The following AFF2 variants were observed in gnomAD, a reference collection of about 807,000 sequenced individuals.
AFF2 encodes the protein ALF transcription elongation factor 2.
AFF2 carries 14 observed loss-of-function variants against 76.9 expected under a neutral mutation model. The observed-to-expected ratio is 0.18, with a 90% confidence interval of 0.12 to 0.28. The LOEUF is 0.28. Among genes scored for constraint, AFF2 ranks in the 10% least tolerant of loss-of-function variants. AFF2 has a pLI of 1.00. For synonymous variants in AFF2, 398 were observed against 366.7 expected (o/e 1.09, Z -0.98); for missense variants, 868 against 1,001.1 (o/e 0.87, Z 1.79).
intron 1 of AFF2, among the ~76,000 whole-genome samples, chrX:148,545,813 G>A (rs1425533039): frequency 9.0e-6 from 1 of 110,943 alleles, no homozygotes; most frequent in Non-Finnish European, 1.9e-5. Context: ...CCCCAAATTT[G>A]TGATTCACTG....
intron 9 of AFF2, among the ~76,000 whole-genome samples, chrX:148,944,072 A>T (rs782173440): frequency 8.9e-6 from 1 of 112,262 alleles, no homozygotes. Context: ...AGCACGGAAA[A>T]AGGCGGAGGC....
intron 1 of AFF2, among the ~76,000 whole-genome samples, chrX:148,608,632 A>G (rs1181083747): frequency 2.7e-5 from 3 of 109,313 alleles, no homozygotes; most frequent in African/African-American, 6.7e-5. Flanking sequence ...CCAGCCTCCC[A>G]AGTAGTTAGA....
At chrX:148,579,575 A>G (rs1354033326) in intron 1 of AFF2, among the ~76,000 whole-genome samples, 2 of 112,241 alleles carry the variant, frequency 1.8e-5, no homozygotes, top group Non-Finnish European at 3.8e-5. Context: ...TTAGTCATTT[A>G]TGCCCCAACA....
At chrX:148,921,632 T>C (rs1200645351) in intron 9 of AFF2, among the ~76,000 whole-genome samples, 2 of 112,612 alleles carry the variant, frequency 1.8e-5, no homozygotes, top group Non-Finnish European at 3.8e-5. Context: ...AGAATGGTCT[T>C]CCCTTTTCTA....
chrX:148,732,874 G>A (rs1485206512), intron 3 of AFF2, among the ~76,000 whole-genome samples: 2 of 111,102 alleles, frequency 1.8e-5, no homozygotes, highest in Non-Finnish European at 3.8e-5. Context: ...TGTCACTAGA[G>A]GCAGAAATAA....
At chrX:148,676,183 C>A (rs1409514001) in intron 3 of AFF2, among the ~76,000 whole-genome samples, 2 of 108,780 alleles carry the variant, frequency 1.8e-5, no homozygotes, top group Non-Finnish European at 3.8e-5. Context: ...CCTCAGCCTC[C>A]CAAGTAGCTG....
At chrX:148,781,235 TAGC>T (rs1370522038) in intron 3 of AFF2, among the ~76,000 whole-genome samples, 2 of 112,208 alleles carry the variant, frequency 1.8e-5, no homozygotes, top group Non-Finnish European at 3.8e-5. Flanking sequence ...GTCTGTCCCT[TAGC>T]AGAGCTCTAA....
chrX:148,570,214 T>C, intron 1 of AFF2, among the ~76,000 whole-genome samples: 1 of 112,045 alleles, frequency 8.9e-6, no homozygotes, highest in East Asian at 2.8e-4. Context: ...TTATAGACCC[T>C]CAGTATGCTT....
chrX:148,986,940 A>G (rs2072478833), intron 19 of AFF2, among the ~76,000 whole-genome samples: 1 of 111,774 alleles, frequency 8.9e-6, no homozygotes, highest in Non-Finnish European at 1.9e-5. Context: ...GTATTTGAAG[A>G]CAAAAGCAGT....
At chrX:148,628,889 A>G (rs1184589055) in intron 1 of AFF2, among the ~76,000 whole-genome samples, 1 of 111,498 alleles carries the variant, frequency 9.0e-6, no homozygotes, top group African/African-American at 3.3e-5. Flanking sequence ...TGACTCTAAC[A>G]TTTTTTTTAT....
chrX:148,849,854 G>T (rs900795434), intron 7 of AFF2, among the ~76,000 whole-genome samples: 8 of 112,001 alleles, frequency 7.1e-5, no homozygotes, highest in Non-Finnish European at 9.4e-5. Flanking sequence ...GAGTCATTTG[G>T]AGGTGGCTTT....
intron 3 of AFF2, among the ~76,000 whole-genome samples, chrX:148,673,712 G>T (rs2054449661): frequency 8.9e-6 from 1 of 111,880 alleles, no homozygotes; most frequent in Non-Finnish European, 1.9e-5. Flanking sequence ...GGGAGTCTAT[G>T]CTGTGCTCAA....
At chrX:148,796,088 G>T (rs1423723419) in intron 3 of AFF2, among the ~76,000 whole-genome samples, 1 of 106,920 alleles carries the variant, frequency 9.4e-6, no homozygotes, top group Non-Finnish European at 1.9e-5. Flanking sequence ...CCTTAAAGCT[G>T]ATTCTAAGAT....
intron 3 of AFF2, among the ~76,000 whole-genome samples, chrX:148,663,262 T>C (rs782080376): frequency 8.9e-6 from 1 of 112,085 alleles, no homozygotes; most frequent in South Asian, 3.7e-4. Flanking sequence ...AGAATTTTAG[T>C]TTCTTGAGTG....
chrX:148,821,697 C>A (rs1557272556), intron 4 of AFF2, among the ~76,000 whole-genome samples: 1 of 111,091 alleles, frequency 9.0e-6, no homozygotes, highest in African/African-American at 3.3e-5. Context: ...TATCTGTCTT[C>A]TAGGTCCCCA....
intron 3 of AFF2, among the ~76,000 whole-genome samples, chrX:148,759,821 C>T (rs1557267155): frequency 8.9e-6 from 1 of 112,080 alleles, no homozygotes; most frequent in Non-Finnish European, 1.9e-5. Flanking sequence ...ATTTCACTTC[C>T]ACGATGTACT....
intron 3 of AFF2, 128 bp downstream of exon 3, chrX:148,662,896 A>G (rs1292486027): frequency 1.4e-6 from 1 of 719,612 alleles, no homozygotes; most frequent in Non-Finnish European, 2.0e-6. Flanking sequence ...CTTCAAGTTC[A>G]GGGTCTGAAT....
At chrX:148,769,882 A>C (rs187579524) in intron 3 of AFF2, among the ~76,000 whole-genome samples, 163 of 111,667 alleles carry the variant, frequency 1.5e-3, no homozygotes, top group Non-Finnish European at 1.8e-3. Context: ...GCAAACCAAT[A>C]AAAATGGTTC....
At chrX:148,985,551 A>G (rs372300025) in intron 19 of AFF2, among the ~76,000 whole-genome samples, 1 of 109,696 alleles carries the variant, frequency 9.1e-6, no homozygotes, top group African/African-American at 3.3e-5. Flanking sequence ...TCTTGCCATA[A>G]ATTGACATTT....
Sources: gnomAD v4.1 joint callset for allele counts (sites outside exome capture counted in the v4.1 genomes callset) on GRCh38, gnomAD v4.1.1 for gene constraint, MANE v1.5 for transcripts, NCBI Gene and HGNC (gene_info 2026-07-23, HGNC 2026-07-21) for gene names.